CALN1: variants seen among roughly 807,000 people sequenced by gnomAD.
The protein encoded by CALN1 is calcium-binding protein 8.
In CALN1, 17 loss-of-function variants were observed where a neutral mutation model predicts 30.6. That is an observed-to-expected ratio of 0.56 (90% CI 0.38 to 0.83). CALN1 has a LOEUF of 0.83. CALN1 is among the 40% of genes least tolerant of loss of function. The pLI, the probability that CALN1 is intolerant of heterozygous loss-of-function variation, is 0.00. For synonymous variants in CALN1, 156 were observed against 131.4 expected, an observed-to-expected ratio of 1.19 and a Z score of -1.28; for missense variants, 291 against 354.9, an observed-to-expected ratio of 0.82 and a Z score of 1.45.
chr7:71,978,994 C>T (rs1280063632), intron 5 of CALN1, among the ~76,000 whole-genome samples: 1 of 152,176 alleles, frequency 6.6e-6, no homozygotes, highest in Non-Finnish European at 1.5e-5. Context: ...TTTGAAGCCA[C>T]AGTGTCTCCC....
At chr7:72,360,606 A>ATT (rs564045355) in intron 2 of CALN1, among the ~76,000 whole-genome samples, 1 of 145,186 alleles carries the variant, frequency 6.9e-6, no homozygotes, top group African/African-American at 2.5e-5. Context: ...TTTCTTTTCT[A>ATT]TTTTTTTTTT....
At chr7:72,404,157 G>A (rs985321234) in intron 1 of CALN1, among the ~76,000 whole-genome samples, 1 of 152,056 alleles carries the variant, frequency 6.6e-6, no homozygotes, top group African/African-American at 2.4e-5. Context: ...AGTTGTCCTT[G>A]ACCTGGCCCT....
chr7:72,307,346 G>T (rs576352369), intron 2 of CALN1, among the ~76,000 whole-genome samples: 1 of 152,316 alleles, frequency 6.6e-6, no homozygotes, highest in African/African-American at 2.4e-5. Flanking sequence ...CTACAGCACA[G>T]AGGACAAAGA....
At chr7:72,412,585 C>T (rs1288169605), upstream of CALN1, among the ~76,000 whole-genome samples, 1 of 152,168 alleles carries the variant, frequency 6.6e-6, no homozygotes, top group Non-Finnish European at 1.5e-5. Context: ...TCTCCAAGTC[C>T]CCACTGACCC....
At chr7:72,176,274 G>A (rs888880656) in intron 3 of CALN1, among the ~76,000 whole-genome samples, 1 of 152,162 alleles carries the variant, frequency 6.6e-6, no homozygotes, top group African/African-American at 2.4e-5. Context: ...AACTTTGTGG[G>A]AAAGGTAAGG....
Position 71,889,025 on chromosome 7 carries a change from CACAGA to C in CALN1, c.502-78538_502-78534del, listed in dbSNP as rs1261340530. On this transcript the variant is annotated intron_variant, in intron 5 of 6. Coordinates refer to ENST00000395275, the MANE Select transcript of CALN1 (RefSeq NM_031468.4). ...TAGGAACAACTTGGGGTACCAGCTA[CACAGA>C]ACAGAAAATGTACAGGCTGGGGACA... 2.6e-5 allele frequency among the ~76,000 whole-genome samples: 4 copies of C among 152,316 alleles called. No homozygotes were observed. In the East Asian group the frequency reaches 5.8e-4, roughly 22 times the overall value.
chr7:72,249,608 C>T (rs1387106396), intron 3 of CALN1, among the ~76,000 whole-genome samples: 1 of 152,100 alleles, frequency 6.6e-6, no homozygotes, highest in Non-Finnish European at 1.5e-5. Context: ...TTGAGACCAG[C>T]CCTGCCAACA....
chr7:72,216,951 C>T (rs1298473512), intron 3 of CALN1, among the ~76,000 whole-genome samples: 1 of 151,946 alleles, frequency 6.6e-6, no homozygotes, highest in Non-Finnish European at 1.5e-5. Flanking sequence ...GCTATGTTGC[C>T]CAGACTGGTC....
At chr7:72,246,202 CT>C (rs1795148049) in intron 3 of CALN1, among the ~76,000 whole-genome samples, 1 of 152,186 alleles carries the variant, frequency 6.6e-6, no homozygotes, top group African/African-American at 2.4e-5. Flanking sequence ...TCATCAAACC[CT>C]TACCTCAGAA....
chr7:72,088,588 A>G (rs1805634216), intron 4 of CALN1, among the ~76,000 whole-genome samples: 1 of 151,250 alleles, frequency 6.6e-6, no homozygotes, highest in Non-Finnish European at 1.5e-5. Flanking sequence ...AATCCGACCT[A>G]CTCGGGAGGC....
intron 4 of CALN1, among the ~76,000 whole-genome samples, chr7:72,066,819 T>C (rs548308055): frequency 1.6e-4 from 25 of 151,872 alleles, no homozygotes; most frequent in Middle Eastern, 3.4e-3. Flanking sequence ...TCTCACTCTG[T>C]TGCCCAAGCT....
intron 4 of CALN1, among the ~76,000 whole-genome samples, chr7:72,058,966 T>C (rs964422978): frequency 1.3e-5 from 2 of 152,182 alleles, no homozygotes; most frequent in African/African-American, 4.8e-5. Flanking sequence ...TCGTTGAAGA[T>C]TCAAGGTTTT....
intron 5 of CALN1, among the ~76,000 whole-genome samples, chr7:71,950,187 G>A (rs547051284): frequency 6.6e-6 from 1 of 152,302 alleles, no homozygotes; most frequent in South Asian, 2.1e-4. Flanking sequence ...AACACCTGGA[G>A]AGTGAGCCCC....
intron 3 of CALN1, among the ~76,000 whole-genome samples, chr7:72,275,988 A>C (rs913346419): frequency 2.6e-5 from 4 of 152,330 alleles, no homozygotes; most frequent in Non-Finnish European, 4.4e-5. Flanking sequence ...AAGCCATTGC[A>C]CTGAAAAGTC....
At position 72,412,115 on chromosome 7, in the gene CALN1, A is replaced by C. The variant is rs940513223; in HGVS notation, c.-131T>G. The C allele has an allele frequency of 2.0e-5, 3 of 152,422 alleles. No homozygotes were observed. Among genetic ancestry groups the C allele is most frequent in the Non-Finnish European group, 4.4e-5 (3 of 68,130 alleles). The allele number at this position is 152,422 out of a possible 1,614,324, so 9.4% of individuals were successfully genotyped here. ...GTTGGTCTCGCCGACTTTAAGAATA[A>C]AACCACGGACCTCGCGGTGAGTGTT... On this transcript the variant is annotated 5_prime_UTR_variant, in exon 1 of 7. Coordinates refer to ENST00000395275, the MANE Select transcript of CALN1 (RefSeq NM_031468.4).
At chr7:71,926,990 T>A (rs904529017) in intron 5 of CALN1, among the ~76,000 whole-genome samples, 23 of 152,220 alleles carry the variant, frequency 1.5e-4, no homozygotes, top group Admixed American at 1.4e-3. Flanking sequence ...CTGGTTCTGT[T>A]GATTACTTTG....
intron 5 of CALN1, among the ~76,000 whole-genome samples, chr7:71,845,835 C>T (rs1310988204): frequency 6.6e-6 from 1 of 152,094 alleles, no homozygotes; most frequent in Non-Finnish European, 1.5e-5. Flanking sequence ...AGGTGGATCA[C>T]TTGAGGTCAG....
intron 2 of CALN1, among the ~76,000 whole-genome samples, chr7:72,389,628 A>G (rs759729931): frequency 8.5e-5 from 13 of 152,310 alleles, no homozygotes; most frequent in Non-Finnish European, 1.5e-4. Flanking sequence ...GTTGCAATCA[A>G]ATACCAAGGG....
chr7:72,221,312 C>CT (rs1174615183), intron 3 of CALN1, among the ~76,000 whole-genome samples: 10,958 of 88,934 alleles, frequency 0.12, 861 homozygotes, highest in East Asian at 0.37. Context: ...GTCTTGGCTT[C>CT]TTTTTTTTTT....
Sources: allele counts gnomAD v4.1 joint callset (sites outside exome capture counted in the v4.1 genomes callset), GRCh38; gene constraint gnomAD v4.1.1; transcripts MANE v1.5; gene names NCBI Gene and HGNC (gene_info 2026-07-23, HGNC 2026-07-21).